Variants in C8orf34 observed in about 807,000 individuals in gnomAD.
C8orf34 encodes the protein uncharacterized protein C8orf34.
A neutral mutation model predicts 68.3 loss-of-function variants in C8orf34; 65 were observed. The observed-to-expected ratio is 0.95, with a 90% CI of 0.78 to 1.17. The LOEUF (loss-of-function observed/expected upper bound fraction) is 1.17. Ranked by LOEUF, C8orf34 falls within the 50% of genes most tolerant of loss-of-function variation. The pLI is 0.00. For missense variants in C8orf34, 664 were observed against 655.4 expected (o/e 1.01, Z -0.14); for synonymous variants, 244 against 241.2 (o/e 1.01, Z -0.11).
At chr8:68,443,971 A>G (rs1811019426) in intron 2 of C8orf34, among the ~76,000 whole-genome samples, 1 of 152,092 alleles carries the variant, frequency 6.6e-6, no homozygotes, top group Non-Finnish European at 1.5e-5. Flanking sequence ...TGATATTCCA[A>G]ATTTTACTGG....
chr8:68,388,366 GCCTGATCA>G (rs564909626), intron 1 of C8orf34, among the ~76,000 whole-genome samples: 114 of 152,130 alleles, frequency 7.5e-4, no homozygotes, highest in African/African-American at 2.7e-3. Context: ...GAAAATTCTT[GCCTGATCA>G]CCTCAGCTAG....
chr8:68,384,211 T>C (rs1228621388), intron 1 of C8orf34, among the ~76,000 whole-genome samples: 2 of 152,258 alleles, frequency 1.3e-5, no homozygotes, highest in Non-Finnish European at 2.9e-5. Flanking sequence ...TATAGAGTTC[T>C]CAACCCTCTC....
intron 1 of C8orf34, among the ~76,000 whole-genome samples, chr8:68,335,761 A>G (rs957100959): frequency 2.0e-5 from 3 of 152,190 alleles, no homozygotes; most frequent in African/African-American, 7.2e-5. Context: ...ATATACCAAT[A>G]TGGCATCAAT....
chr8:68,804,073 G>A (rs1370960151), intron 12 of C8orf34, among the ~76,000 whole-genome samples: 1 of 152,108 alleles, frequency 6.6e-6, no homozygotes, highest in Non-Finnish European at 1.5e-5. Context: ...CAGTGGTAAT[G>A]AATCTAGTTT....
At chr8:68,528,379 G>A (rs1424720024) in intron 6 of C8orf34, among the ~76,000 whole-genome samples, 1 of 152,048 alleles carries the variant, frequency 6.6e-6, no homozygotes, top group Non-Finnish European at 1.5e-5. Flanking sequence ...AGCTTTAACT[G>A]GGACCCCAAA....
intron 3 of C8orf34, among the ~76,000 whole-genome samples, chr8:68,448,951 CA>C (rs1811232207): frequency 6.6e-6 from 1 of 151,950 alleles, no homozygotes; most frequent in African/African-American, 2.4e-5. Context: ...ATTAAGAAGA[CA>C]TCATAATACT....
intron 7 of C8orf34, among the ~76,000 whole-genome samples, chr8:68,592,923 T>G (rs1199786894): frequency 6.6e-6 from 1 of 152,090 alleles, no homozygotes; most frequent in Non-Finnish European, 1.5e-5. Context: ...TTTTTCTTCT[T>G]TTATTCGATG....
intron 1 of C8orf34, among the ~76,000 whole-genome samples, chr8:68,350,786 T>C (rs1334190334): frequency 3.3e-5 from 5 of 151,942 alleles, no homozygotes; most frequent in Admixed American, 3.3e-4. Context: ...TAACTTCTGC[T>C]TTTATTCTGT....
chr8:68,664,002 G>A (rs867470722), intron 8 of C8orf34, among the ~76,000 whole-genome samples: 19 of 152,174 alleles, frequency 1.2e-4, no homozygotes, highest in African/African-American at 4.6e-4. Flanking sequence ...TATGTCACCG[G>A]AAGGGGAAAA....
intron 10 of C8orf34, among the ~76,000 whole-genome samples, chr8:68,757,875 A>G (rs1008834322): frequency 6.6e-6 from 1 of 152,176 alleles, no homozygotes; most frequent in Admixed American, 6.5e-5. Context: ...TGAGCTTACT[A>G]TTTTTACTCA....
intron 12 of C8orf34, chr8:68,791,207 A>G (rs1823985155): frequency 2.6e-6 from 1 of 387,738 alleles, no homozygotes; most frequent in East Asian, 3.8e-5. Flanking sequence ...GCCTCAGGAA[A>G]CTTACAGTCA....
intron 7 of C8orf34, among the ~76,000 whole-genome samples, chr8:68,564,857 G>A (rs142802294): frequency 2.8e-3 from 432 of 152,210 alleles, no homozygotes; most frequent in African/African-American, 9.3e-3. Flanking sequence ...AATTTTAGTA[G>A]GAACATCAAA....
chr8:68,752,812 G>A (rs1301022596), intron 10 of C8orf34, among the ~76,000 whole-genome samples: 1 of 152,138 alleles, frequency 6.6e-6, no homozygotes, highest in Non-Finnish European at 1.5e-5. Flanking sequence ...AATAGCGGTG[G>A]AATTCTATAC....
At chr8:68,491,388 T>G (rs1302503610) in intron 5 of C8orf34, among the ~76,000 whole-genome samples, 1 of 152,228 alleles carries the variant, frequency 6.6e-6, no homozygotes, top group South Asian at 2.1e-4. Context: ...CTCTGTAGTT[T>G]CAAAGTTGAA....
chr8:68,769,560 C>T (rs1008973871), intron 10 of C8orf34, among the ~76,000 whole-genome samples: 14 of 152,120 alleles, frequency 9.2e-5, no homozygotes, highest in African/African-American at 3.4e-4. Context: ...TAATTACTTA[C>T]AAACTCGAAG....
At chr8:68,686,944 T>C (rs925697718) in intron 8 of C8orf34, among the ~76,000 whole-genome samples, 6 of 152,060 alleles carry the variant, frequency 3.9e-5, no homozygotes, top group Non-Finnish European at 8.8e-5. Context: ...ACAAAATCAA[T>C]GTACACAAGT....
intron 1 of C8orf34, among the ~76,000 whole-genome samples, chr8:68,345,701 A>G (rs1376341980): frequency 2.0e-5 from 3 of 151,976 alleles, no homozygotes; most frequent in Non-Finnish European, 2.9e-5. Flanking sequence ...ATATATATAC[A>G]TATATACATA....
chr8:68,610,920 A>C (rs1338653857), intron 7 of C8orf34, among the ~76,000 whole-genome samples: 3 of 140,858 alleles, frequency 2.1e-5, no homozygotes, highest in African/African-American at 8.3e-5. Context: ...GCTGGAGTGC[A>C]ATGGTGCTAT....
rs900363850 is a variant in C8orf34, at chr8:68,331,001, A to G, written c.-12A>G. 1 of 1,396,766 alleles carries G rather than the reference A, an allele frequency of 7.2e-7. No homozygotes were observed. The highest frequency in any genetic ancestry group is 9.2e-7 in the Non-Finnish European group (1 of 1,086,072). 86.5% of individuals were successfully genotyped at this position (1,396,766 alleles called of 1,614,324 possible). The stretch of plus-strand genomic sequence containing the variant: ...AGCGGCGAGGGTGGGCGCGAGGCGG[A>G]GAACGCGATGAATGAGTTCTCCCCT... On this transcript the variant is annotated 5_prime_UTR_variant, in exon 1 of 14. Transcript: ENST00000518698.
Sources: gnomAD v4.1 joint callset for allele counts (sites outside exome capture counted in the v4.1 genomes callset) on GRCh38, gnomAD v4.1.1 for gene constraint, MANE v1.5 for transcripts, NCBI Gene and HGNC (gene_info 2026-07-23, HGNC 2026-07-21) for gene names.